GTF2B: variants seen among roughly 807,000 people sequenced by gnomAD.
The protein encoded by GTF2B is general transcription factor IIB.
In GTF2B, 20 loss-of-function variants were observed where a neutral mutation model predicts 34.6. That is an observed-to-expected ratio of 0.58 (90% CI 0.41 to 0.84). GTF2B has a LOEUF of 0.84. GTF2B is among the 40% of genes least tolerant of loss of function. The pLI is 0.00. For synonymous variants in GTF2B, 142 were observed against 132.4 expected (o/e 1.07, Z -0.50); for missense variants, 237 against 393.3 (o/e 0.60, Z 3.36).
chr1:88,856,160 C>T (rs1673298097), intron 6 of GTF2B, among the ~76,000 whole-genome samples: 1 of 151,358 alleles, frequency 6.6e-6, no homozygotes, highest in Admixed American at 6.6e-5. Flanking sequence ...GTCCCAGTTA[C>T]TCAGGAAGCT....
rs369702191 is a variant in GTF2B at position 88,857,787 on chromosome 1, T to C, written c.536-300A>G. On this transcript the variant is annotated intron_variant, in intron 5 of 6. Coordinates refer to ENST00000370500, the MANE Select transcript of GTF2B (RefSeq NM_001514.6). ...ACCTCCACCTCCTAGGCTCAAGTGA[T>C]TCTCCTGCCTCAGCCTCCCGAGTAG... Among the ~76,000 whole-genome samples, 29 of 149,296 alleles carry C rather than the reference T, an allele frequency of 1.9e-4. 1 individual carries two copies. The East Asian group carries it at 3.2e-3, about 17-fold the overall frequency.
chr1:88,857,974 G>A (rs762434453), intron 5 of GTF2B, among the ~76,000 whole-genome samples: 4 of 151,560 alleles, frequency 2.6e-5, no homozygotes, highest in Non-Finnish European at 4.4e-5. Context: ...GAGCCACTGC[G>A]CCTGGCCTAA....
intron 2 of GTF2B, among the ~76,000 whole-genome samples, chr1:88,864,338 C>T (rs1673502502): frequency 6.6e-6 from 1 of 152,148 alleles, no homozygotes; most frequent in Non-Finnish European, 1.5e-5. Flanking sequence ...GATATTCTAA[C>T]TCTTGGAAGA....
chr1:88,862,839 C>T (rs1049342349), intron 3 of GTF2B, among the ~76,000 whole-genome samples: 2 of 151,970 alleles, frequency 1.3e-5, no homozygotes, highest in African/African-American at 2.4e-5. Context: ...GACGGGGTTT[C>T]GCCATCTTGG....
rs752891245 is a variant in GTF2B at position 88,859,916 on chromosome 1, G to A, written c.501C>T (p.Ala167=). 5.0e-5 allele frequency: 81 copies of A among 1,613,408 alleles called. No homozygotes were observed. Among genetic ancestry groups the A allele is most frequent in the Admixed American group, 6.7e-5 (4 of 59,930 alleles). Residue 167 remains alanine (A), a synonymous_variant, in exon 5 of 7, where the codon GCC becomes GCT. Coordinates refer to ENST00000370500, the MANE Select transcript of GTF2B (RefSeq NM_001514.6). ...DAIASACLYI[A]CRQEGVPRTF... ...TCCTAGGAACCCCTTCTTGTCTACA[G>A]GCAATATAGAGACAAGCAGAAGCTA...
intron 2 of GTF2B, among the ~76,000 whole-genome samples, chr1:88,871,888 C>T (rs573415183): frequency 1.2e-4 from 18 of 152,118 alleles, no homozygotes; most frequent in Admixed American, 6.5e-4. Context: ...TCCACCACCA[C>T]GCCCAGCTAA....
chr1:88,879,203 G>C (rs79077260), intron 2 of GTF2B, among the ~76,000 whole-genome samples: 221 of 152,082 alleles, frequency 1.5e-3, no homozygotes, highest in African/African-American at 5.2e-3. Flanking sequence ...AATGTTATTA[G>C]AGGCAGGAAA....
intron 6 of GTF2B, among the ~76,000 whole-genome samples, chr1:88,856,968 T>C (rs1673327528): frequency 6.6e-6 from 1 of 152,068 alleles, no homozygotes; most frequent in Non-Finnish European, 1.5e-5. Context: ...ACCCAGCTAA[T>C]TTTTGTATTT....
At chr1:88,855,353 G>GTTTT (rs1315421121) in intron 6 of GTF2B, among the ~76,000 whole-genome samples, 2 of 134,060 alleles carry the variant, frequency 1.5e-5, no homozygotes, top group African/African-American at 5.7e-5. Flanking sequence ...TTCACTTTCT[G>GTTTT]TTTTTGTTTT....
intron 4 of GTF2B, 33 bp from the exon 5 acceptor site, chr1:88,860,044 G>T (rs372463647): frequency 1.2e-6 from 2 of 1,611,106 alleles, no homozygotes; most frequent in East Asian, 2.2e-5. Flanking sequence ...TTAACTCTAC[G>T]TCATTTAATT....
At chr1:88,886,528 T>G (rs1275133918) in intron 2 of GTF2B, among the ~76,000 whole-genome samples, 1 of 152,222 alleles carries the variant, frequency 6.6e-6, no homozygotes. Flanking sequence ...ATAAATCTTC[T>G]TTTTGACTAA....
At chr1:88,870,243 G>A (rs946622256) in intron 2 of GTF2B, among the ~76,000 whole-genome samples, 3 of 152,206 alleles carry the variant, frequency 2.0e-5, no homozygotes, top group African/African-American at 7.2e-5. Context: ...TGACTTCTAA[G>A]GTGAGAGAAA....
At chr1:88,856,952 C>G (rs973945008) in intron 6 of GTF2B, among the ~76,000 whole-genome samples, 1 of 151,960 alleles carries the variant, frequency 6.6e-6, no homozygotes, top group African/African-American at 2.4e-5. Flanking sequence ...CAAGCCCCAC[C>G]ACCACACCCA....
At chr1:88,870,078 C>T (rs1673654167) in intron 2 of GTF2B, among the ~76,000 whole-genome samples, 1 of 152,124 alleles carries the variant, frequency 6.6e-6, no homozygotes, top group African/African-American at 2.4e-5. Context: ...CAGGCGCCCA[C>T]CACCACGCCT....
intron 6 of GTF2B, among the ~76,000 whole-genome samples, chr1:88,854,234 T>C (rs1673251957): frequency 6.6e-6 from 1 of 152,226 alleles, no homozygotes; most frequent in Admixed American, 6.5e-5. Context: ...ATAAATATTG[T>C]TCTACAATCT....
chr1:88,868,215 G>A (rs553745452), intron 2 of GTF2B, among the ~76,000 whole-genome samples: 5 of 152,342 alleles, frequency 3.3e-5, no homozygotes, highest in South Asian at 2.1e-4. Flanking sequence ...CCATGCCTGG[G>A]TATAATCTAT....
At chr1:88,863,854 T>A (rs923920489) in intron 3 of GTF2B, 127 bp downstream of exon 3, 4 of 752,206 alleles carry the variant, frequency 5.3e-6, no homozygotes, top group Non-Finnish European at 9.1e-6. Flanking sequence ...ATGATATTAC[T>A]GGCAAATCTT....
intron 6 of GTF2B, among the ~76,000 whole-genome samples, chr1:88,856,733 T>A (rs1225941277): frequency 1.3e-5 from 2 of 151,960 alleles, no homozygotes; most frequent in African/African-American, 4.8e-5. Flanking sequence ...ACATTTTTTT[T>A]ATGAGCTGCT....
chr1:88,891,551 C>A lies in GTF2B; in HGVS notation c.-52G>T. 2 of 1,557,896 alleles carry A rather than the reference C, an allele frequency of 1.3e-6. No homozygotes were observed. Among genetic ancestry groups the A allele is most frequent in the Non-Finnish European group, 1.8e-6 (2 of 1,140,012 alleles). ...CAAGACACAACAGACACACCGAAAG[C>A]AGGAAGCGAATGTGGCGAAGAGACG... On this transcript the variant is annotated 5_prime_UTR_variant, in exon 1 of 7. Coordinates refer to ENST00000370500, the MANE Select transcript of GTF2B (RefSeq NM_001514.6).
Sources: allele counts gnomAD v4.1 joint callset (sites outside exome capture counted in the v4.1 genomes callset), GRCh38; gene constraint gnomAD v4.1.1; transcripts MANE v1.5; gene names NCBI Gene and HGNC (gene_info 2026-07-23, HGNC 2026-07-21).